RBFOX1: variants seen among roughly 807,000 people sequenced by gnomAD.
The protein encoded by RBFOX1 is RNA binding fox-1 homolog 1.
Under a neutral mutation model 57.7 loss-of-function variants are expected in RBFOX1, and 8 were observed. The ratio of observed to expected loss-of-function variants is 0.14; its 90% CI spans 0.08 to 0.25. The LOEUF (loss-of-function observed/expected upper bound fraction) is 0.25, where lower values mean the gene tolerates loss of function less well. Ranked by LOEUF, RBFOX1 falls within the 10% of genes least tolerant of loss-of-function variation. The probability of loss-of-function intolerance (pLI) is 1.00; values close to 1 mark genes in which losing one functional copy is unlikely to be tolerated. For synonymous variants in RBFOX1, 326 were observed against 222.4 expected (o/e 1.47, Z -4.15); for missense variants, 611 against 548.5 (o/e 1.11, Z -1.14).
intron 2 of RBFOX1, among the ~76,000 whole-genome samples, chr16:6,614,773 C>T (rs372709740): frequency 5.9e-5 from 9 of 152,212 alleles, no homozygotes; most frequent in Non-Finnish European, 8.8e-5. Context: ...CTTCACATGG[C>T]CATTTTATTT....
At chr16:5,780,745 A>G (rs1477585794) in intron 3 of RBFOX1, among the ~76,000 whole-genome samples, 1 of 152,184 alleles carries the variant, frequency 6.6e-6, no homozygotes, top group Non-Finnish European at 1.5e-5. Context: ...CTTGAGTACA[A>G]GATGTACAGG....
chr16:7,506,597 A>C (rs1948947), intron 4 of RBFOX1, among the ~76,000 whole-genome samples: 1,547 of 146,660 alleles, frequency 0.011, 13 homozygotes, highest in Non-Finnish European at 0.016. Flanking sequence ...CATCATCATC[A>C]TCATCATCAC....
intron 2 of RBFOX1, among the ~76,000 whole-genome samples, chr16:6,579,205 T>C (rs765496922): frequency 5.9e-5 from 9 of 152,152 alleles, no homozygotes; most frequent in Non-Finnish European, 1.3e-4. Flanking sequence ...TTTTTTGTTA[T>C]TGTTGTTTTT....
intron 4 of RBFOX1, among the ~76,000 whole-genome samples, chr16:7,354,156 A>T (rs935303004): frequency 6.6e-6 from 1 of 151,956 alleles, no homozygotes; most frequent in Non-Finnish European, 1.5e-5. Flanking sequence ...GTTTTAGTAG[A>T]GAAAGGGTTT....
intron 3 of RBFOX1, among the ~76,000 whole-genome samples, chr16:5,825,788 G>C (rs1386800026): frequency 2.1e-5 from 3 of 141,786 alleles, no homozygotes; most frequent in Non-Finnish European, 4.6e-5. Context: ...TATGAATAAG[G>C]AATAATATTC....
intron 3 of RBFOX1, among the ~76,000 whole-genome samples, chr16:6,904,003 A>C (rs923486944): frequency 1.3e-5 from 2 of 152,168 alleles, no homozygotes; most frequent in Non-Finnish European, 2.9e-5. Context: ...CCACGTGGTC[A>C]CAAAACACAG....
chr16:5,476,827 C>G (rs1481075569), intron 2 of RBFOX1, among the ~76,000 whole-genome samples: 1 of 152,158 alleles, frequency 6.6e-6, no homozygotes, highest in Non-Finnish European at 1.5e-5. Context: ...CTCAAGATGG[C>G]TAGAGTCTTG....
intron 3 of RBFOX1, among the ~76,000 whole-genome samples, chr16:6,997,483 C>G (rs1417543809): frequency 6.6e-6 from 1 of 152,114 alleles, no homozygotes; most frequent in Non-Finnish European, 1.5e-5. Flanking sequence ...TTAATGTTAA[C>G]AATTTTAATT....
rs188319839 is a variant in RBFOX1, at chr16:6,079,498, A to G, written c.-127+59506A>G. 9.3e-4 allele frequency among the ~76,000 whole-genome samples: 142 copies of G among 152,034 alleles called. 1 individual carries two copies. Among genetic ancestry groups the G allele is most frequent in the African/African-American group, 3.3e-3 (135 of 41,484 alleles). On this transcript the variant is annotated intron_variant, in intron 1 of 15. Coordinates refer to ENST00000550418, the MANE Select transcript of RBFOX1 (RefSeq NM_018723.4). Reference sequence around the variant, plus strand: ...GGCTATTTATTTTTATTTGTTTTTTACTTTTTGTAGAGATGAGGTCTTGCT... The same window carrying G: ...GGCTATTTATTTTTATTTGTTTTTTGCTTTTTGTAGAGATGAGGTCTTGCT...
intron 4 of RBFOX1, among the ~76,000 whole-genome samples, chr16:7,376,370 G>T (rs544080690): frequency 3.2e-4 from 48 of 152,198 alleles, no homozygotes; most frequent in African/African-American, 1.1e-3. Context: ...ATGACTCAAC[G>T]CAGCATCGCC....
chr16:6,250,784 G>A (rs2097603868), intron 1 of RBFOX1, among the ~76,000 whole-genome samples: 1 of 152,122 alleles, frequency 6.6e-6, no homozygotes, highest in Non-Finnish European at 1.5e-5. Context: ...TCATTATTTT[G>A]TTGGAAATTA....
At chr16:5,815,730 A>G (rs2055609997) in intron 3 of RBFOX1, among the ~76,000 whole-genome samples, 1 of 152,206 alleles carries the variant, frequency 6.6e-6, no homozygotes, top group South Asian at 2.1e-4. Flanking sequence ...CCATTGCAAT[A>G]CAATGCACTT....
rs144379250 is a variant in RBFOX1 at position 5,660,225 on chromosome 16, G to A, written c.318+61264G>A. 3.3e-5 allele frequency among the ~76,000 whole-genome samples: 5 copies of A among 152,256 alleles called. No individual in the cohort carries two copies. The East Asian group carries it at 9.6e-4, about 29-fold the overall frequency. Reference sequence around the variant, plus strand: ...GTCAAGGTTGTTTCGTTGAGTGTCTGGTATTAAATGGTATTCTCAAGCGCC... The same window carrying A: ...GTCAAGGTTGTTTCGTTGAGTGTCTAGTATTAAATGGTATTCTCAAGCGCC... On this transcript the variant is annotated intron_variant, in intron 3 of 19. Transcript: ENST00000641259.
intron 4 of RBFOX1, among the ~76,000 whole-genome samples, chr16:7,192,467 T>G (rs529459719): frequency 7.2e-5 from 11 of 152,320 alleles, no homozygotes; most frequent in African/African-American, 2.6e-4. Flanking sequence ...ATACGTGGAA[T>G]GTAGTAAAGT....
chr16:7,383,133 C>T (rs527639700), intron 4 of RBFOX1, among the ~76,000 whole-genome samples: 7 of 152,176 alleles, frequency 4.6e-5, no homozygotes, highest in Admixed American at 2.0e-4. Flanking sequence ...CAGTCTTGTT[C>T]TGTGCTTCAT....
intron 4 of RBFOX1, among the ~76,000 whole-genome samples, chr16:7,313,376 C>T (rs1159814769): frequency 6.6e-6 from 1 of 152,010 alleles, no homozygotes; most frequent in Non-Finnish European, 1.5e-5. Flanking sequence ...GCAGAACCTT[C>T]CACTGGGGGT....
rs1157881818 is a variant in RBFOX1 at position 5,814,225 on chromosome 16, T to G, written c.319-53078T>G. ...TCCGTATGCCCTCCTTTCCCAGCCT[T>G]AGCTGAAGTGCCTTTGGGAAACTGT... On this transcript the variant is annotated intron_variant, in intron 3 of 19. Coordinates refer to the RBFOX1 transcript ENST00000641259. Among the ~76,000 whole-genome samples, 4 of 152,176 alleles carry G rather than the reference T, an allele frequency of 2.6e-5. No individual in the cohort carries two copies. The East Asian group carries it at 7.7e-4, about 29-fold the overall frequency.
intron 1 of RBFOX1, among the ~76,000 whole-genome samples, chr16:6,202,204 A>G (rs926206809): frequency 3.3e-5 from 5 of 152,132 alleles, no homozygotes; most frequent in African/African-American, 9.7e-5. Flanking sequence ...TGCTTTACAC[A>G]TTTATTTAGA....
chr16:6,650,020 C>T (rs1389610704), intron 2 of RBFOX1, among the ~76,000 whole-genome samples: 1 of 152,112 alleles, frequency 6.6e-6, no homozygotes, highest in Non-Finnish European at 1.5e-5. Flanking sequence ...AATAATGCTG[C>T]AGTGAAGAAG....
Sources: gnomAD v4.1 joint callset for allele counts (sites outside exome capture counted in the v4.1 genomes callset) on GRCh38, gnomAD v4.1.1 for gene constraint, MANE v1.5 for transcripts, NCBI Gene and HGNC (gene_info 2026-07-23, HGNC 2026-07-21) for gene names.